DOCK9: variants seen among roughly 807,000 people sequenced by gnomAD.
The protein encoded by DOCK9 is dedicator of cytokinesis protein 9.
Under a neutral mutation model 263.3 loss-of-function variants are expected in DOCK9, and 89 were observed. The ratio of observed to expected loss-of-function variants is 0.34; its 90% CI spans 0.28 to 0.40. The LOEUF is 0.40. Ranked by LOEUF, DOCK9 falls within the 10% of genes least tolerant of loss-of-function variation. The probability of loss-of-function intolerance (pLI) is 1.00; values close to 1 mark genes in which losing one functional copy is unlikely to be tolerated. For missense variants in DOCK9, 2,140 were observed against 2,603.4 expected, an observed-to-expected ratio of 0.82 and a Z score of 3.87; for synonymous variants, 976 against 973.1, an observed-to-expected ratio of 1.00 and a Z score of -0.06.
At chr13:98,925,001 C>G (rs1378734149) in intron 4 of DOCK9, among the ~76,000 whole-genome samples, 7 of 151,912 alleles carry the variant, frequency 4.6e-5, no homozygotes, top group Non-Finnish European at 7.4e-5. Flanking sequence ...CCTGTCTCTA[C>G]TAAAAATACA....
At chr13:98,802,844 G>T (rs949035397) in intron 49 of DOCK9, among the ~76,000 whole-genome samples, 2 of 152,152 alleles carry the variant, frequency 1.3e-5, no homozygotes, top group African/African-American at 4.8e-5. Context: ...ATAACTTGAG[G>T]GAAAACCCTC....
Position 99,015,805 on chromosome 13 carries a change from G to A in DOCK9, c.130-60254C>T, listed in dbSNP as rs181309090. The stretch of plus-strand genomic sequence containing the variant: ...CAGCCTGACAAAAAATCCAGACTCC[G>A]AGTGTAAAACAGGAGGGGTGGTGCA... On this transcript the variant is annotated intron_variant, in intron 1 of 32. Coordinates refer to the DOCK9 transcript ENST00000427887. 1.2e-5 allele frequency: 15 copies of A among 1,286,620 alleles called. 1 individual carries two copies. Among genetic ancestry groups the A allele is most frequent in the South Asian group, 5.4e-5 (2 of 36,744 alleles). 79.7% of individuals were successfully genotyped at this position (1,286,620 alleles called of 1,614,324 possible).
chr13:99,033,245 T>A (rs989905016), intron 1 of DOCK9, among the ~76,000 whole-genome samples: 6 of 152,134 alleles, frequency 3.9e-5, no homozygotes, highest in Non-Finnish European at 8.8e-5. Context: ...AAACAAATAT[T>A]CCACCTTAGT....
intron 9 of DOCK9, among the ~76,000 whole-genome samples, chr13:98,912,475 A>C (rs1217694789): frequency 6.6e-6 from 1 of 152,232 alleles, no homozygotes; most frequent in African/African-American, 2.4e-5. Flanking sequence ...GGTTGAAATC[A>C]AACTGATTTC....
At position 98,804,525 on chromosome 13, in the gene DOCK9, C is replaced by T. The variant is rs562105815; in HGVS notation, c.5725+474G>A. 1.5e-4 allele frequency among the ~76,000 whole-genome samples: 23 copies of T among 152,234 alleles called. 1 individual carries two copies. Among genetic ancestry groups the T allele is most frequent in the South Asian group, 1.5e-3 (7 of 4,816 alleles). On this transcript the variant is annotated intron_variant, in intron 49 of 52. Transcript: ENST00000682017. ...ATTCAAGTGGCAGCTGGCCAGCCCC[C>T]GGGGGCAACAGCGTGGGGCGATCCA...
Position 98,903,037 on chromosome 13 carries a change from A to C in DOCK9, c.1111T>G (p.Cys371Gly). 6.5e-7 allele frequency: 1 copy of C among 1,543,450 alleles called. No individual in the cohort carries two copies. The highest frequency in any genetic ancestry group is 8.7e-7 in the Non-Finnish European group (1 of 1,144,240). Reference sequence around the variant, plus strand: ...TGCAAATTGAAAGATAAATCATTGCACTTGACAAGGATCCTTTTTCCAAAC... The same window carrying C: ...TGCAAATTGAAAGATAAATCATTGCCCTTGACAAGGATCCTTTTTCCAAAC... ...EKFGKRILVKCNDLSFNLQCC... is the reference protein window; with the variant it reads ...EKFGKRILVKGNDLSFNLQCC... Residue 371 changes from cysteine to glycine, a missense_variant, in exon 11 of 53, where the codon TGC (cysteine) becomes GGC (glycine). Cys to Gly is a radical substitution (Grantham distance 159, BLOSUM62 -3). This residue lies in a region of DOCK9 where 1,521 missense variants were observed against 1,741.7 expected (regional missense o/e 0.87). Coordinates refer to ENST00000682017, the MANE Select transcript of DOCK9 (RefSeq NM_001366683.2).
At chr13:98,845,792 G>A in intron 38 of DOCK9, 132 bp downstream of exon 38, 2 of 1,213,410 alleles carry the variant, frequency 1.6e-6, no homozygotes, top group Admixed American at 2.2e-5. Flanking sequence ...TGTGCCATGA[G>A]CTCTTCATCC....
At chr13:98,911,973 G>C (rs1177403841) in intron 9 of DOCK9, among the ~76,000 whole-genome samples, 1 of 150,028 alleles carries the variant, frequency 6.7e-6, no homozygotes. Flanking sequence ...AGGTTCAAAT[G>C]ATTCTCCTGC....
chr13:98,893,041 T>C (rs2046867011), intron 15 of DOCK9, among the ~76,000 whole-genome samples: 1 of 152,186 alleles, frequency 6.6e-6, no homozygotes, highest in African/African-American at 2.4e-5. Flanking sequence ...GTGTGTATGC[T>C]GCATGTGTTT....
At chr13:98,880,017 G>T (rs372497758) in intron 26 of DOCK9, 48 bp from the exon 27 acceptor site, 23 of 1,408,528 alleles carry the variant, frequency 1.6e-5, no homozygotes, top group Admixed American at 2.1e-5. Flanking sequence ...CAAACTGGTA[G>T]GTAAGACATG....
upstream of DOCK9, among the ~76,000 whole-genome samples, chr13:99,087,490 C>A (rs728983): frequency 0.11 from 16,880 of 152,122 alleles, 1,385 homozygotes; most frequent in East Asian, 0.3. Flanking sequence ...AGGGAAACTG[C>A]GATGCGCCGG....
At chr13:98,835,391 A>G (rs2092953462) in intron 39 of DOCK9, among the ~76,000 whole-genome samples, 1 of 152,212 alleles carries the variant, frequency 6.6e-6, no homozygotes, top group South Asian at 2.1e-4. Flanking sequence ...AAGCCAGGGA[A>G]GCCTGTCTTA....
chr13:99,036,460 G>A (rs1283229322), intron 1 of DOCK9, among the ~76,000 whole-genome samples: 1 of 152,148 alleles, frequency 6.6e-6, no homozygotes, highest in African/African-American at 2.4e-5. Flanking sequence ...CAACCATGCT[G>A]GCACCATGAT....
chr13:99,010,471 G>A (rs527604468), intron 1 of DOCK9, among the ~76,000 whole-genome samples: 1 of 152,320 alleles, frequency 6.6e-6, no homozygotes, highest in South Asian at 2.1e-4. Flanking sequence ...GTACCTGCGT[G>A]TCCCATGTGT....
At chr13:98,823,578 T>C (rs374280791) in intron 45 of DOCK9, among the ~76,000 whole-genome samples, 1 of 152,170 alleles carries the variant, frequency 6.6e-6, no homozygotes, top group African/African-American at 2.4e-5. Context: ...CCTTAAAACA[T>C]GGGCAGGATT....
intron 1 of DOCK9, among the ~76,000 whole-genome samples, chr13:98,969,821 G>A (rs1202514543): frequency 1.3e-5 from 2 of 152,254 alleles, no homozygotes; most frequent in Admixed American, 1.3e-4. Flanking sequence ...GTGGAAGGAA[G>A]ACTGGAAAGC....
At chr13:98,895,898 C>T (rs2047357602) in intron 15 of DOCK9, among the ~76,000 whole-genome samples, 2 of 152,144 alleles carry the variant, frequency 1.3e-5, no homozygotes. Context: ...CTGGCCAAGA[C>T]CTGTGTCCTT....
intron 3 of DOCK9, among the ~76,000 whole-genome samples, chr13:98,928,870 A>ACTTCATC (rs2053471650): frequency 6.6e-6 from 1 of 152,216 alleles, no homozygotes; most frequent in Admixed American, 6.5e-5. Context: ...TCTGGAATTA[A>ACTTCATC]GTTTACTAAT....
At chr13:98,891,506 C>G (rs1357380473) in intron 15 of DOCK9, among the ~76,000 whole-genome samples, 1 of 152,132 alleles carries the variant, frequency 6.6e-6, no homozygotes, top group African/African-American at 2.4e-5. Context: ...TATGAATGAA[C>G]AGGCATCTTC....
Sources: allele counts gnomAD v4.1 joint callset (sites outside exome capture counted in the v4.1 genomes callset), GRCh38; gene constraint gnomAD v4.1.1; regional missense constraint gnomAD v4.1.1; transcripts MANE v1.5; gene names NCBI Gene and HGNC (gene_info 2026-07-23, HGNC 2026-07-21).